Variants in MED27 observed in about 807,000 individuals in gnomAD.
MED27 encodes mediator of RNA polymerase II transcription subunit 27.
A neutral mutation model predicts 38.2 loss-of-function variants in MED27; 30 were observed. That is an observed-to-expected ratio of 0.79 (90% CI 0.59 to 1.07). The LOEUF is 1.07. Among genes scored for constraint, MED27 ranks in the 50% least tolerant of loss-of-function variants. MED27 has a pLI of 0.00. For missense variants in MED27, 289 were observed against 397.5 expected (o/e 0.73, Z 2.32); for synonymous variants, 122 against 153.5 (o/e 0.79, Z 1.52).
At position 131,989,911 on chromosome 9, in the gene MED27, C is replaced by G. The variant is rs35946398; in HGVS notation, c.479+24426G>C. ...TGTATCTACCTGGCAAGTCACTGGG[C>G]CAGCAGAGCCTTGCTCAAAATACCT... is the stretch of plus-strand genomic sequence containing the variant. On this transcript the variant is annotated intron_variant, in intron 3 of 7. Transcript: ENST00000292035. Among the ~76,000 whole-genome samples the G allele has an allele frequency of 3.9e-5, 6 of 152,258 alleles. No homozygotes were observed. The South Asian group carries it at 1.0e-3, about 26-fold the overall frequency.
chr9:132,071,662 C>T (rs914928290), intron 2 of MED27, among the ~76,000 whole-genome samples: 3 of 151,540 alleles, frequency 2.0e-5, no homozygotes, highest in East Asian at 1.9e-4. Context: ...ATGAGTAACC[C>T]GTGCCCCATG....
chr9:131,956,581 A>G (rs1385221461), intron 3 of MED27, among the ~76,000 whole-genome samples: 3 of 150,528 alleles, frequency 2.0e-5, no homozygotes, highest in Non-Finnish European at 4.4e-5. Context: ...ACGCCACTGC[A>G]CTCCAGCTGG....
chr9:132,010,457 T>G (rs1832461712), intron 3 of MED27, among the ~76,000 whole-genome samples: 1 of 152,354 alleles, frequency 6.6e-6, no homozygotes, highest in East Asian at 1.9e-4. Context: ...GTTCAACCAT[T>G]GTGGAAGACA....
chr9:131,925,907 G>C (rs1048466407), intron 4 of MED27, among the ~76,000 whole-genome samples: 1 of 152,248 alleles, frequency 6.6e-6, no homozygotes, highest in Admixed American at 6.5e-5. Flanking sequence ...GCCTGCGTTA[G>C]TGATGACAGT....
At chr9:132,026,673 G>A (rs1339858007) in intron 2 of MED27, among the ~76,000 whole-genome samples, 4 of 152,136 alleles carry the variant, frequency 2.6e-5, no homozygotes, top group African/African-American at 7.2e-5. Context: ...TCTGCTTTTA[G>A]AAGGTCAAGA....
rs878936486 is a variant in MED27 at position 131,986,659 on chromosome 9, G to A, written c.479+27678C>T. On this transcript the variant is annotated intron_variant, in intron 3 of 7. Coordinates refer to ENST00000292035, the MANE Select transcript of MED27 (RefSeq NM_004269.4). ...CTACACCTTATAGCCTAGGTGTGCC[G>A]TGGGTTCTACCATTTAGGTTTTTGT... 3.9e-5 allele frequency among the ~76,000 whole-genome samples: 6 copies of A among 152,280 alleles called. No homozygotes were observed. In the South Asian group the frequency reaches 1.0e-3, roughly 26 times the overall value.
intron 3 of MED27, among the ~76,000 whole-genome samples, chr9:131,975,413 G>C (rs566679144): frequency 6.6e-6 from 1 of 152,272 alleles, no homozygotes; most frequent in South Asian, 2.1e-4. Flanking sequence ...CAACAGACAA[G>C]GGCAGAAGCA....
At chr9:131,888,271 A>C (rs771490022) in intron 5 of MED27, among the ~76,000 whole-genome samples, 1 of 152,202 alleles carries the variant, frequency 6.6e-6, no homozygotes, top group African/African-American at 2.4e-5. Flanking sequence ...TTTCCAATTC[A>C]CAGATGAGGA....
intron 4 of MED27, 64 bp from the exon 5 acceptor site, chr9:131,894,056 G>T: frequency 8.0e-7 from 1 of 1,250,566 alleles, no homozygotes; most frequent in Non-Finnish European, 1.2e-6. Flanking sequence ...GCAGGGGTGT[G>T]AGAAGAAATG....
intron 6 of MED27, among the ~76,000 whole-genome samples, chr9:131,874,516 A>C (rs1353476618): frequency 6.6e-6 from 1 of 152,108 alleles, no homozygotes; most frequent in Non-Finnish European, 1.5e-5. Context: ...ATTGATTTTC[A>C]GCCACTGGGG....
intron 1 of MED27, among the ~76,000 whole-genome samples, chr9:132,078,400 G>C (rs1317358773): frequency 4.6e-5 from 7 of 152,106 alleles, no homozygotes; most frequent in African/African-American, 1.7e-4. Context: ...ATAATATCCT[G>C]AACATTACAA....
intron 2 of MED27, among the ~76,000 whole-genome samples, chr9:132,060,150 T>G (rs1005260133): frequency 6.6e-6 from 1 of 152,180 alleles, no homozygotes; most frequent in African/African-American, 2.4e-5. Context: ...CCATTTTTTT[T>G]GTAGAAGAAT....
At chr9:131,969,745 C>T (rs1831434855) in intron 3 of MED27, among the ~76,000 whole-genome samples, 1 of 152,152 alleles carries the variant, frequency 6.6e-6, no homozygotes, top group Admixed American at 6.5e-5. Context: ...AGAGTGGCTA[C>T]TTGGAGGTGG....
chr9:131,945,273 C>T (rs908940772), intron 3 of MED27, among the ~76,000 whole-genome samples: 1 of 151,500 alleles, frequency 6.6e-6, no homozygotes, highest in African/African-American at 2.4e-5. Context: ...TGTGATAGAG[C>T]CGCAGGCTAG....
Position 131,861,144 on chromosome 9 carries a change from T to G in MED27, c.802-472A>C, listed in dbSNP as rs1006021699. Among the ~76,000 whole-genome samples, 4 of 152,020 alleles carry G rather than the reference T, an allele frequency of 2.6e-5. No individual in the cohort carries two copies. Among genetic ancestry groups the G allele is most frequent in the Non-Finnish European group, 4.4e-5 (3 of 68,014 alleles). ...AGGTCAACATGCCTTCTAGCTAATC[T>G]GATTTCAGAGGTTGTCACTCATTGT... On this transcript the variant is annotated intron_variant, in intron 7 of 7. Transcript: ENST00000292035. This position sits in a 1 kb window ranked among gnomAD's most constrained non-coding sequence, Gnocchi z 4.4.
intron 6 of MED27, chr9:131,869,309 A>C: frequency 1.0e-6 from 1 of 985,180 alleles, no homozygotes; most frequent in African/African-American, 1.7e-5. Flanking sequence ...CTCCACCTTC[A>C]ATATTTTTTT....
At chr9:132,001,190 C>T (rs1031194369) in intron 3 of MED27, among the ~76,000 whole-genome samples, 2 of 152,060 alleles carry the variant, frequency 1.3e-5, no homozygotes, top group Non-Finnish European at 2.9e-5. Context: ...AAAAGCAGAT[C>T]ACTGGTTGCT....
At chr9:132,012,409 C>T (rs762147067) in intron 3 of MED27, among the ~76,000 whole-genome samples, 23 of 152,120 alleles carry the variant, frequency 1.5e-4, no homozygotes, top group Non-Finnish European at 4.4e-5. Flanking sequence ...AAAATATGGC[C>T]CCTGTGCATG....
chr9:131,981,377 A>G (rs1195126714), intron 3 of MED27, among the ~76,000 whole-genome samples: 1 of 152,234 alleles, frequency 6.6e-6, no homozygotes, highest in Non-Finnish European at 1.5e-5. Context: ...ATCTGGGCCC[A>G]TGTGCTCAAA....
Sources: allele counts gnomAD v4.1 joint callset (sites outside exome capture counted in the v4.1 genomes callset), GRCh38; gene constraint gnomAD v4.1.1; non-coding constraint Gnocchi (gnomAD v3.1); transcripts MANE v1.5; gene names NCBI Gene and HGNC (gene_info 2026-07-23, HGNC 2026-07-21).